Variants in FMR1 observed in about 807,000 individuals in gnomAD.
FMR1 encodes the protein fragile X messenger ribonucleoprotein 1, also known as FMRP translational regulator 1.
Under a neutral mutation model 50.6 loss-of-function variants are expected in FMR1, and 13 were observed. That is an observed-to-expected ratio of 0.26 (90% CI 0.17 to 0.41). The LOEUF (loss-of-function observed/expected upper bound fraction) is 0.41. Ranked by LOEUF, FMR1 falls within the 10% of genes least tolerant of loss-of-function variation. The pLI, the probability that FMR1 is intolerant of heterozygous loss-of-function variation, is 1.00. For synonymous variants in FMR1, 138 were observed against 164.1 expected (o/e 0.84, Z 1.22); for missense variants, 316 against 491.3 (o/e 0.64, Z 3.37).
intron 2 of FMR1, among the ~76,000 whole-genome samples, chrX:147,924,467 T>TTGTGTGTG (rs3999731): frequency 0.017 from 1,524 of 91,037 alleles, 40 homozygotes; most frequent in African/African-American, 0.061. Flanking sequence ...AGTATTTTAT[T>TTGTGTGTG]TGTGTGTGTG....
At chrX:147,940,768 CTG>C (rs2043973496) in intron 13 of FMR1, 106 bp downstream of exon 13, 1 of 519,906 alleles carries the variant, frequency 1.9e-6, no homozygotes, top group Non-Finnish European at 3.4e-6. Flanking sequence ...GTGCAAAACA[CTG>C]TATGACTTGT....
intron 12 of FMR1, chrX:147,940,294 A>G (rs189643239): frequency 3.1e-4 from 98 of 313,684 alleles, no homozygotes; most frequent in African/African-American, 2.3e-3. Context: ...AAGCTTGTAT[A>G]ATTTTGAATT....
rs1290228081 is a variant in FMR1 at position 147,945,035 on chromosome X, T to C, written c.1638T>C (p.Arg546=). The part of the protein sequence containing the change: ...GGGRGQGGRG[R]GGGFKGNDDH... ...GAAGAGGACAAGGAGGAAGAGGACG[T>C]GGAGGAGGCTTCAAAGGTATGGAGA... The change falls in exon 15 of 17, where the codon CGT becomes CGC. Residue 546 remains arginine, a synonymous_variant. Transcript: ENST00000370475. 1 of 1,178,822 alleles carries C rather than the reference T, an allele frequency of 8.5e-7. No individual in the cohort carries two copies. The highest frequency in any genetic ancestry group is 1.8e-5 in the African/African-American group (1 of 55,754).
intron 3 of FMR1, among the ~76,000 whole-genome samples, chrX:147,926,807 G>A (rs1338868399): frequency 9.0e-6 from 1 of 111,270 alleles, no homozygotes; most frequent in Non-Finnish European, 1.9e-5. Context: ...ATTCTTATTT[G>A]CTGCACTAGG....
intron 13 of FMR1, among the ~76,000 whole-genome samples, chrX:147,942,132 C>G (rs2044029223): frequency 8.9e-6 from 1 of 112,509 alleles, no homozygotes; most frequent in Non-Finnish European, 1.9e-5. Flanking sequence ...GGACCAAATC[C>G]TTACCTGACC....
At chrX:147,936,380 TTCAA>T (rs1272898916) in intron 9 of FMR1, 120 bp from the exon 10 acceptor site, 2 of 487,976 alleles carry the variant, frequency 4.1e-6, no homozygotes, top group African/African-American at 4.8e-5. Context: ...AATCTTACAA[TTCAA>T]TACATACACA....
chrX:147,938,717 G>A (rs1355383167), intron 12 of FMR1, among the ~76,000 whole-genome samples: 1 of 111,624 alleles, frequency 9.0e-6, no homozygotes, highest in Non-Finnish European at 1.9e-5. Context: ...GGTGAGAACT[G>A]TTTATGGAAA....
chrX:147,931,222 A>G (rs1602996261), intron 7 of FMR1, among the ~76,000 whole-genome samples: 1 of 111,638 alleles, frequency 9.0e-6, no homozygotes, highest in East Asian at 2.8e-4. Context: ...TTTGATTGTG[A>G]GTATTATGAA....
At position 147,937,557 on chromosome X, in the gene FMR1, A is replaced by G; in HGVS notation, c.1082A>G (p.Asn361Ser). The G allele has an allele frequency of 1.7e-6, 2 of 1,152,761 alleles. No individual in the cohort carries two copies. The highest frequency in any genetic ancestry group is 2.4e-6 in the Non-Finnish European group (2 of 841,843). Residue 361 changes from asparagine (N) to serine (S), a missense_variant, in exon 11 of 17, where the codon AAC (asparagine) becomes AGC (serine). By Grantham distance (46) the Asn-to-Ser change is conservative. Around this residue, in one of 4 missense-constraint regions of FMR1, gnomAD observed 53 missense variants for 51.5 expected, o/e 1.03. Transcript: ENST00000370475. ...EEKKHLDIKENSTHFSQPNST... is the reference protein window; with the variant it reads ...EEKKHLDIKESSTHFSQPNST... ...AAAAAACATTTAGATATAAAGGAAA[A>G]CAGCACCCATTTTTCTCAACCTAAC...
In FMR1 at chrX:147,928,312, T is replaced by G; in HGVS notation, c.199-10T>G. The G allele has an allele frequency of 8.4e-7, 1 of 1,189,402 alleles. No homozygotes were observed. Among genetic ancestry groups the G allele is most frequent in the Non-Finnish European group, 1.1e-6 (1 of 875,762 alleles). ...ATCATGAAATATTCTGTGTTGTAAT[T>G]TTTGTGTAGGTGTATTCCAGAGCAA... On this transcript the variant is annotated splice_polypyrimidine_tract_variant and intron_variant, in intron 3 of 16. Coordinates refer to ENST00000370475, the MANE Select transcript of FMR1 (RefSeq NM_002024.6).
intron 2 of FMR1, among the ~76,000 whole-genome samples, chrX:147,923,975 G>T (rs2043286987): frequency 8.9e-6 from 1 of 111,847 alleles, no homozygotes; most frequent in African/African-American, 3.3e-5. Context: ...ACTGATAGCA[G>T]ATTGTTTTAG....
chrX:147,930,185 A>G lies in FMR1; in HGVS notation c.571A>G (p.Ser191Gly). 1 of 1,209,448 alleles carries G rather than the reference A, an allele frequency of 8.3e-7. No homozygotes were observed. Among genetic ancestry groups the G allele is most frequent in the Non-Finnish European group, 1.1e-6 (1 of 893,411 alleles). ...TATGCTGATTGACATGCACTTTCGG[A>G]GTCTGCGCACTAAGTTGTCTCTGAT... ...AHMLIDMHFR[S>G]LRTKLSLIMR... Residue 191 changes from serine to glycine, a missense_variant, in exon 7 of 17, where the codon AGT becomes GGT. Transcript: ENST00000370475.
In FMR1 at chrX:147,950,714, C is replaced by A. The variant is rs1422046736; in HGVS notation, c.*1870C>A. 3.1e-6 allele frequency: 1 copy of A among 325,165 alleles called. No homozygotes were observed. Among genetic ancestry groups the A allele is most frequent in the Non-Finnish European group, 5.9e-6 (1 of 168,603 alleles). The allele number at this position is 325,165 out of a possible 1,213,427, so 26.8% of individuals were successfully genotyped here. A position where few individuals can be genotyped will look rare whatever the true frequency, so the allele number is the denominator to read the frequency against. On this transcript the variant is annotated 3_prime_UTR_variant, in exon 17 of 17. Transcript: ENST00000370475. ...GGAAAAGAAATCTATAGAAAGTGTT[C>A]TGTTACAAAATGTAACTGTTACCAT...
intron 16 of FMR1, among the ~76,000 whole-genome samples, chrX:147,946,529 TA>T (rs1349963488): frequency 3.6e-5 from 4 of 112,331 alleles, no homozygotes; most frequent in Non-Finnish European, 5.6e-5. Context: ...GCACCTTTGC[TA>T]AGTGCTTTGT....
rs782257390 is a variant in FMR1, at chrX:147,937,592, G to A, written c.1117G>A (p.Val373Ile). ...TTTTTCTCAACCTAACAGTACAAAA[G>A]TCCAGAGGGTAAGAATTACTTGTCA... ...THFSQPNSTKVQRVLVASSVV... is the reference protein window; with the variant it reads ...THFSQPNSTKIQRVLVASSVV... Residue 373 changes from valine (V) to isoleucine (I), a missense_variant, in exon 11 of 17, where the codon GTC becomes ATC. Val to Ile is a conservative substitution (Grantham distance 29, BLOSUM62 3). Coordinates refer to ENST00000370475, the MANE Select transcript of FMR1 (RefSeq NM_002024.6). 1.5e-5 allele frequency: 13 copies of A among 891,965 alleles called. No individual in the cohort carries two copies. The highest frequency in any genetic ancestry group is 2.0e-5 in the Non-Finnish European group (12 of 604,260). 73.5% of individuals were successfully genotyped at this position (891,965 alleles called of 1,213,427 possible).
chrX:147,932,672 C>A lies in FMR1; in HGVS notation c.802-13C>A, dbSNP rs371420910. 17 of 1,201,532 alleles carry A rather than the reference C, an allele frequency of 1.4e-5. No individual in the cohort carries two copies. The highest frequency in any genetic ancestry group is 1.8e-5 in the Non-Finnish European group (16 of 887,916). On this transcript the variant is annotated splice_polypyrimidine_tract_variant and intron_variant, in intron 8 of 16. Coordinates refer to ENST00000370475, the MANE Select transcript of FMR1 (RefSeq NM_002024.6). ...GCTAATCTTTTGTCTTAAAATGTTT[C>A]CCCTTTTATTAGGATCAGGATGCAG... is the stretch of plus-strand genomic sequence containing the variant.
At position 147,943,334 on chromosome X, in the gene FMR1, C is replaced by A. The variant is rs782296411; in HGVS notation, c.1471+8C>A. On this transcript the variant is annotated splice_region_variant and intron_variant, in intron 14 of 16. Transcript: ENST00000370475. ...GTCCTGGATATACTTCAGGTACAAA[C>A]TAAGCATTTTACTCAGTAACTTTAT... 8.4e-7 allele frequency: 1 copy of A among 1,191,722 alleles called. No homozygotes were observed. The highest frequency in any genetic ancestry group is 1.1e-6 in the Non-Finnish European group (1 of 877,361).
At chrX:147,915,933 T>A (rs933948897) in intron 1 of FMR1, among the ~76,000 whole-genome samples, 3 of 112,617 alleles carry the variant, frequency 2.7e-5, no homozygotes. Flanking sequence ...GTTTTCAATT[T>A]CATGGTGGTC....
chrX:147,919,041 AT>A (rs1159324064), intron 1 of FMR1, among the ~76,000 whole-genome samples: 1 of 111,505 alleles, frequency 9.0e-6, no homozygotes, highest in Non-Finnish European at 1.9e-5. Flanking sequence ...AAAGGACAAC[AT>A]TTTTAGCATG....
Sources: allele counts gnomAD v4.1 joint callset (sites outside exome capture counted in the v4.1 genomes callset), GRCh38; gene constraint gnomAD v4.1.1; regional missense constraint gnomAD v4.1.1; transcripts MANE v1.5; gene names NCBI Gene and HGNC (gene_info 2026-07-23, HGNC 2026-07-21).